ITSN1: variants seen among roughly 807,000 people sequenced by gnomAD.
ITSN1 encodes intersectin 1.
ITSN1 carries 58 observed loss-of-function variants against 239.8 expected under a neutral mutation model. That is an observed-to-expected ratio of 0.24 (90% CI 0.20 to 0.30). The LOEUF is 0.30. ITSN1 is among the 10% of genes least tolerant of loss of function. ITSN1 has a pLI of 1.00. For synonymous variants in ITSN1, 780 were observed against 770.8 expected (o/e 1.01, Z -0.20); for missense variants, 1,558 against 2,103.3 (o/e 0.74, Z 5.07).
chr21:33,653,899 T>C (rs932400449), intron 1 of ITSN1, among the ~76,000 whole-genome samples: 9 of 152,036 alleles, frequency 5.9e-5, no homozygotes, highest in Non-Finnish European at 1.0e-4. Flanking sequence ...CCAGCAGTTC[T>C]CCTGTCGCAG....
At chr21:33,703,590 T>C (rs964331606) in intron 1 of ITSN1, among the ~76,000 whole-genome samples, 3 of 152,340 alleles carry the variant, frequency 2.0e-5, no homozygotes, top group African/African-American at 7.2e-5. Context: ...GCTGAAAGCA[T>C]GCATTTTGTG....
intron 20 of ITSN1, among the ~76,000 whole-genome samples, chr21:33,806,304 G>A (rs1396676490): frequency 1.3e-5 from 2 of 152,142 alleles, no homozygotes; most frequent in Non-Finnish European, 2.9e-5. Context: ...TTTACTACCT[G>A]CACTCCTCAA....
At chr21:33,817,448 T>A in intron 22 of ITSN1, 1 of 1,304,438 alleles carries the variant, frequency 7.7e-7, no homozygotes, top group Non-Finnish European at 1.0e-6. Context: ...TTTACGCTGA[T>A]GCCCCCAGGC....
chr21:33,747,794 T>A (rs766828176), intron 5 of ITSN1, among the ~76,000 whole-genome samples: 21 of 152,188 alleles, frequency 1.4e-4, no homozygotes, highest in Non-Finnish European at 2.4e-4. Flanking sequence ...CTGAGAGAAT[T>A]CATTGCTACT....
chr21:33,851,767 T>C (rs1339247028), intron 29 of ITSN1, among the ~76,000 whole-genome samples: 5 of 140,702 alleles, frequency 3.6e-5, no homozygotes, highest in East Asian at 2.1e-4. Flanking sequence ...TCTTTTCTTT[T>C]CTTTTCTTTC....
intron 11 of ITSN1, among the ~76,000 whole-genome samples, chr21:33,768,041 C>T (rs1271669226): frequency 6.6e-6 from 1 of 152,150 alleles, no homozygotes; most frequent in Admixed American, 6.5e-5. Flanking sequence ...TGCTAATGCA[C>T]CGTTGTTCTA....
At chr21:33,719,850 C>G (rs180686967) in intron 2 of ITSN1, among the ~76,000 whole-genome samples, 11 of 152,110 alleles carry the variant, frequency 7.2e-5, no homozygotes, top group Admixed American at 5.2e-4. Context: ...GTTAAGTGTT[C>G]TTGCTTACAC....
chr21:33,661,962 C>G (rs1338656312), intron 1 of ITSN1, among the ~76,000 whole-genome samples: 1 of 152,120 alleles, frequency 6.6e-6, no homozygotes, highest in African/African-American at 2.4e-5. Flanking sequence ...TTTTGACCAT[C>G]TGAACCCCCA....
intron 7 of ITSN1, among the ~76,000 whole-genome samples, chr21:33,752,608 G>A (rs954109907): frequency 2.6e-5 from 4 of 152,180 alleles, no homozygotes; most frequent in Non-Finnish European, 4.4e-5. Context: ...CTTTTGGGCC[G>A]GGTGTGGTGG....
chr21:33,758,919 A>G (rs571090365), intron 8 of ITSN1, among the ~76,000 whole-genome samples: 1 of 152,300 alleles, frequency 6.6e-6, no homozygotes, highest in Admixed American at 6.5e-5. Flanking sequence ...TGTGCACTCA[A>G]AGCTCAACTG....
At chr21:33,751,653 A>T (rs1459586773) in intron 6 of ITSN1, among the ~76,000 whole-genome samples, 157 bp from the exon 7 acceptor site, 1 of 152,236 alleles carries the variant, frequency 6.6e-6, no homozygotes, top group East Asian at 1.9e-4. Flanking sequence ...GCAGGAGGAC[A>T]GAGGGTAAGG....
At chr21:33,841,166 C>G (rs2074809758) in intron 29 of ITSN1, among the ~76,000 whole-genome samples, 1 of 152,202 alleles carries the variant, frequency 6.6e-6, no homozygotes, top group African/African-American at 2.4e-5. Context: ...GGTATCTTCC[C>G]TGTTTCTGGA....
chr21:33,659,705 CTTTTT>C lies in ITSN1; in HGVS notation c.-33+17013_-33+17017del, dbSNP rs71194859. On this transcript the variant is annotated intron_variant, in intron 1 of 39. Transcript: ENST00000381318. ...TCATGGACTAAGTCAGCAGCCTGTA[CTTTTT>C]TTTTTTTTTTTTTTTTTTTTGAGAT... 2.2e-3 allele frequency among the ~76,000 whole-genome samples: 170 copies of C among 76,594 alleles called. 1 individual carries two copies. The highest frequency in any genetic ancestry group is 6.3e-3 in the African/African-American group (113 of 18,016). The allele number at this position is 76,594 out of a possible 152,430, so 50.2% of individuals were successfully genotyped here.
At chr21:33,761,782 C>A in intron 8 of ITSN1, 141 bp from the exon 9 acceptor site, 1 of 630,592 alleles carries the variant, frequency 1.6e-6, no homozygotes. Flanking sequence ...TTACAAAGCC[C>A]CTGCGGTAGT....
intron 1 of ITSN1, among the ~76,000 whole-genome samples, chr21:33,679,008 A>G (rs2090767601): frequency 1.3e-5 from 2 of 152,258 alleles, no homozygotes; most frequent in African/African-American, 4.8e-5. Flanking sequence ...GCATGAAAAT[A>G]GCATAATGAT....
intron 4 of ITSN1, among the ~76,000 whole-genome samples, chr21:33,723,536 C>T (rs1222991837): frequency 6.6e-6 from 1 of 152,104 alleles, no homozygotes; most frequent in African/African-American, 2.4e-5. Flanking sequence ...ATGATGTGAA[C>T]CCAGGAGGCA....
chr21:33,697,186 G>A (rs182445011), intron 1 of ITSN1, among the ~76,000 whole-genome samples: 14 of 149,362 alleles, frequency 9.4e-5, no homozygotes, highest in East Asian at 5.9e-4. Context: ...GAGTTGAAGC[G>A]ATTCTCCTGC....
intron 1 of ITSN1, among the ~76,000 whole-genome samples, chr21:33,700,082 T>C (rs774606701): frequency 2.7e-5 from 4 of 150,088 alleles, no homozygotes; most frequent in Non-Finnish European, 4.4e-5. Flanking sequence ...TTTTTTGTTG[T>C]TGTTTTGTTT....
At chr21:33,793,363 C>G (rs1405455439) in intron 16 of ITSN1, among the ~76,000 whole-genome samples, 1 of 152,124 alleles carries the variant, frequency 6.6e-6, no homozygotes, top group Non-Finnish European at 1.5e-5. Flanking sequence ...ACTGGGAGGA[C>G]CAGCCCTGGT....
Sources: allele counts gnomAD v4.1 joint callset (sites outside exome capture counted in the v4.1 genomes callset), GRCh38; gene constraint gnomAD v4.1.1; transcripts MANE v1.5; gene names NCBI Gene and HGNC (gene_info 2026-07-23, HGNC 2026-07-21).